RBFOX2: variants seen among roughly 807,000 people sequenced by gnomAD.
The protein encoded by RBFOX2 is RNA binding fox-1 homolog 2, also known as RNA binding protein fox-1 homolog 2.
A neutral mutation model predicts 49.1 loss-of-function variants in RBFOX2; 10 were observed. The ratio of observed to expected loss-of-function variants is 0.20; its 90% CI spans 0.13 to 0.35. The LOEUF is 0.35. Ranked by LOEUF, RBFOX2 falls within the 10% of genes least tolerant of loss-of-function variation. The pLI, the probability that RBFOX2 is intolerant of heterozygous loss-of-function variation, is 1.00. For synonymous variants in RBFOX2, 183 were observed against 187.4 expected (o/e 0.98, Z 0.19); for missense variants, 323 against 486.9 (o/e 0.66, Z 3.17).
At position 36,023,683 on chromosome 22, in the gene RBFOX2, CTCTT is replaced by C. The variant is rs2059327446; in HGVS notation, c.186+4553_186+4556del. ...TTTGAGTACAGTATTTCCAAGTACT[CTCTT>C]TAACTACATTTCTCAAACTGTACAT... On this transcript the variant is annotated intron_variant, in intron 1 of 13. Transcript: ENST00000438146. 3.3e-5 allele frequency among the ~76,000 whole-genome samples: 5 copies of C among 152,318 alleles called. No individual in the cohort carries two copies. In the South Asian group the frequency reaches 1.0e-3, roughly 32 times the overall value.
chr22:35,786,623 C>T (rs1000022278), intron 2 of RBFOX2, among the ~76,000 whole-genome samples: 8 of 152,170 alleles, frequency 5.3e-5, no homozygotes, highest in African/African-American at 1.7e-4. Context: ...GCTGGGATTA[C>T]AGGCGTGAGC....
chr22:35,821,812 A>T, intron 1 of RBFOX2: 1 of 518,900 alleles, frequency 1.9e-6, no homozygotes, highest in Non-Finnish European at 3.8e-6. Flanking sequence ...ATAGGACTGT[A>T]GGACCTGGCC....
At chr22:35,829,093 C>T (rs1039742003) in intron 1 of RBFOX2, among the ~76,000 whole-genome samples, 1 of 151,942 alleles carries the variant, frequency 6.6e-6, no homozygotes, top group African/African-American at 2.4e-5. Context: ...AACCCAAGAC[C>T]CGAAAGGATC....
chr22:35,834,248 CTT>C (rs1463733570), intron 1 of RBFOX2, among the ~76,000 whole-genome samples: 1 of 152,208 alleles, frequency 6.6e-6, no homozygotes, highest in African/African-American at 2.4e-5. Flanking sequence ...CTAGTTTCCT[CTT>C]TTGTACAATG....
At chr22:36,024,311 C>A (rs1235440844) in intron 1 of RBFOX2, among the ~76,000 whole-genome samples, 1 of 152,022 alleles carries the variant, frequency 6.6e-6, no homozygotes, top group African/African-American at 2.4e-5. Flanking sequence ...AGCAGTGAAA[C>A]AAGAATAATA....
intron 9 of RBFOX2, among the ~76,000 whole-genome samples, chr22:35,752,276 G>A (rs1418792799): frequency 6.6e-6 from 1 of 152,120 alleles, no homozygotes; most frequent in African/African-American, 2.4e-5. Context: ...CAACTGCTAA[G>A]ATCTAAATAT....
At chr22:35,755,384 T>C (rs1354992418) in intron 9 of RBFOX2, among the ~76,000 whole-genome samples, 3 of 152,168 alleles carry the variant, frequency 2.0e-5, no homozygotes, top group African/African-American at 7.2e-5. Flanking sequence ...AGCTAGACAG[T>C]TTAAATAATG....
chr22:35,837,592 A>G (rs113870137), intron 1 of RBFOX2, among the ~76,000 whole-genome samples: 55 of 152,228 alleles, frequency 3.6e-4, no homozygotes, highest in African/African-American at 1.3e-3. Flanking sequence ...ATTTCCTTTG[A>G]TTGTTTTCCC....
chr22:35,975,184 A>T (rs2057086301), intron 1 of RBFOX2, among the ~76,000 whole-genome samples: 1 of 152,242 alleles, frequency 6.6e-6, no homozygotes, highest in Non-Finnish European at 1.5e-5. Context: ...AAATTGCTAT[A>T]GAAGTTCTAA....
At position 35,759,602 on chromosome 22, in the gene RBFOX2, C is replaced by T. The variant is rs1168940067; in HGVS notation, c.887+286G>A. Among the ~76,000 whole-genome samples the T allele has an allele frequency of 6.6e-6, 1 of 152,130 alleles. No homozygotes were observed. The highest frequency in any genetic ancestry group is 6.5e-5 in the Admixed American group (1 of 15,284). On this transcript the variant is annotated intron_variant, in intron 9 of 11. Coordinates refer to ENST00000405409, the Ensembl canonical transcript of RBFOX2. This position sits in a 1 kb window ranked among gnomAD's most constrained non-coding sequence, Gnocchi z 4.6. ...GTGCGCTTCTGAGTGAACTTCATGCCAACACACTGCTAGTAAACACAAGAC... is the reference window on the plus strand; with the variant it reads ...GTGCGCTTCTGAGTGAACTTCATGCTAACACACTGCTAGTAAACACAAGAC...
chr22:35,861,640 C>A (rs923847344), intron 1 of RBFOX2, among the ~76,000 whole-genome samples: 2 of 152,138 alleles, frequency 1.3e-5, no homozygotes, highest in Non-Finnish European at 2.9e-5. Flanking sequence ...CAATACCAAG[C>A]TTTGGCAAGG....
At chr22:35,790,145 C>T (rs1402906660) in intron 2 of RBFOX2, among the ~76,000 whole-genome samples, 2 of 152,196 alleles carry the variant, frequency 1.3e-5, no homozygotes, top group African/African-American at 4.8e-5. Context: ...TTAATAAAAT[C>T]TTATAGTACT....
At chr22:35,897,194 C>T (rs1283284891) in intron 1 of RBFOX2, 2 of 767,242 alleles carry the variant, frequency 2.6e-6, no homozygotes, top group East Asian at 2.6e-5. Flanking sequence ...AAAGAGACCA[C>T]CTGGCTGGGT....
At chr22:35,807,458 C>A (rs919689909) in intron 2 of RBFOX2, among the ~76,000 whole-genome samples, 5 of 151,780 alleles carry the variant, frequency 3.3e-5, no homozygotes, top group African/African-American at 7.3e-5. Flanking sequence ...TGGGGGAAAT[C>A]CCCAAACATT....
chr22:35,926,631 C>T (rs1327508348), intron 1 of RBFOX2, among the ~76,000 whole-genome samples: 2 of 152,084 alleles, frequency 1.3e-5, no homozygotes, highest in South Asian at 2.1e-4. Flanking sequence ...AGTCAAACTG[C>T]GGCATAAAAG....
chr22:35,741,855 C>T (rs2145658609), exon 12 of RBFOX2: 1 of 152,772 alleles, frequency 6.5e-6, no homozygotes, highest in South Asian at 2.1e-4. Context: ...GAGAAAAACT[C>T]TTAAACTCAT....
At chr22:35,778,153 G>T in intron 3 of RBFOX2, 75 bp from the exon 5 acceptor site, 1 of 1,224,612 alleles carries the variant, frequency 8.2e-7, no homozygotes, top group African/African-American at 1.5e-5. Flanking sequence ...TCTGAAATGG[G>T]AATAGTTTAT....
At chr22:36,010,311 A>C (rs1301001158) in intron 1 of RBFOX2, among the ~76,000 whole-genome samples, 5 of 152,250 alleles carry the variant, frequency 3.3e-5, no homozygotes, top group Non-Finnish European at 5.9e-5. Context: ...TGAAGGAAAA[A>C]GCAACAGGGG....
intron 10 of RBFOX2, 30 bp downstream of exon 12, chr22:35,746,443 C>T (rs767686335): frequency 1.3e-6 from 2 of 1,514,174 alleles, no homozygotes. Context: ...TCTCATGCAT[C>T]CCAAAGCTCA....
Sources: allele counts gnomAD v4.1 joint callset (sites outside exome capture counted in the v4.1 genomes callset), GRCh38; gene constraint gnomAD v4.1.1; non-coding constraint Gnocchi (gnomAD v3.1); transcripts MANE v1.5; gene names NCBI Gene and HGNC (gene_info 2026-07-23, HGNC 2026-07-21).